C12orf42: variants seen among roughly 807,000 people sequenced by gnomAD.
C12orf42 encodes the protein uncharacterized protein C12orf42.
C12orf42 carries 25 observed loss-of-function variants against 21.6 expected under a neutral mutation model. The observed-to-expected ratio is 1.16, with a 90% CI of 0.84 to 1.62. The LOEUF (loss-of-function observed/expected upper bound fraction) is 1.62, where lower values mean the gene tolerates loss of function less well. Among genes scored for constraint, C12orf42 ranks in the 40% most tolerant of loss-of-function variants. The probability of loss-of-function intolerance (pLI) is 0.00; values close to 1 mark genes in which losing one functional copy is unlikely to be tolerated. For synonymous variants in C12orf42, 174 were observed against 175.0 expected (o/e 0.99, Z 0.05); for missense variants, 483 against 459.3 (o/e 1.05, Z -0.47).
chr12:103,478,098 C>T (rs941780422), intron 2 of C12orf42: 6 of 377,504 alleles, frequency 1.6e-5, no homozygotes, highest in African/African-American at 1.3e-4. Context: ...ATAGCAAAGA[C>T]AACACATTTC....
chr12:103,069,503 G>A, the C12orf42 span, among the ~76,000 whole-genome samples: 1 of 152,092 alleles, frequency 6.6e-6, no homozygotes, highest in African/African-American at 2.4e-5. Flanking sequence ...ACAAACTCTA[G>A]TTATAAGAAA....
the C12orf42 span, among the ~76,000 whole-genome samples, chr12:103,206,535 C>G: frequency 6.6e-6 from 1 of 151,828 alleles, no homozygotes; most frequent in African/African-American, 2.4e-5. Flanking sequence ...CACACACACA[C>G]ACACACACAC....
intron 2 of C12orf42, among the ~76,000 whole-genome samples, chr12:103,447,032 C>T (rs779531055): frequency 6.6e-6 from 1 of 151,978 alleles, no homozygotes; most frequent in Non-Finnish European, 1.5e-5. Flanking sequence ...ATTTGCAGAA[C>T]ATTCTATGCA....
chr12:103,352,637 G>T (rs1244459868), intron 4 of C12orf42, among the ~76,000 whole-genome samples: 1 of 152,154 alleles, frequency 6.6e-6, no homozygotes, highest in African/African-American at 2.4e-5. Context: ...GTGGGAAGAT[G>T]AATCTAATTG....
At chr12:103,277,278 TAA>T in intron 4 of C12orf42, 2 of 370,958 alleles carry the variant, frequency 5.4e-6, no homozygotes, top group Non-Finnish European at 1.0e-5. Context: ...AAAATTATAA[TAA>T]ACTTATTAAT....
chr12:103,421,758 G>A (rs1203765101), intron 2 of C12orf42, among the ~76,000 whole-genome samples: 1 of 152,058 alleles, frequency 6.6e-6, no homozygotes, highest in Non-Finnish European at 1.5e-5. Flanking sequence ...ATTCCCTCTA[G>A]GAACTGAGGA....
At chr12:103,179,525 G>C in the C12orf42 span, among the ~76,000 whole-genome samples, 2 of 152,118 alleles carry the variant, frequency 1.3e-5, no homozygotes, top group African/African-American at 2.4e-5. Context: ...AGTAGACCTG[G>C]AGCATAAAAT....
At chr12:103,083,520 GA>G in the C12orf42 span, among the ~76,000 whole-genome samples, 3 of 152,146 alleles carry the variant, frequency 2.0e-5, no homozygotes, top group Admixed American at 6.5e-5. Context: ...CTCTGTACTA[GA>G]AGTATAGTGA....
At chr12:103,243,470 T>A (rs1385362721) in intron 10 of C12orf42, among the ~76,000 whole-genome samples, 1 of 152,098 alleles carries the variant, frequency 6.6e-6, no homozygotes, top group African/African-American at 2.4e-5. Context: ...ATTGTAATTA[T>A]TAAAATAATT....
chr12:103,338,526 G>A (rs1000314576), intron 4 of C12orf42, among the ~76,000 whole-genome samples: 4 of 152,178 alleles, frequency 2.6e-5, no homozygotes, highest in Non-Finnish European at 4.4e-5. Context: ...GTGTTTTCCC[G>A]GCCACTTGCA....
intron 4 of C12orf42, among the ~76,000 whole-genome samples, chr12:103,295,140 G>T (rs1221734061): frequency 2.0e-5 from 3 of 152,136 alleles, no homozygotes; most frequent in African/African-American, 4.8e-5. Context: ...ATAGTAAAGG[G>T]TTGGAGCATT....
At chr12:103,065,210 C>T in the C12orf42 span, among the ~76,000 whole-genome samples, 275 of 152,288 alleles carry the variant, frequency 1.8e-3, 1 homozygote, top group African/African-American at 6.2e-3. Context: ...TCCTATTTGG[C>T]CTCTGCAGAA....
intron 1 of C12orf42, among the ~76,000 whole-genome samples, chr12:103,493,258 T>G (rs1489580026): frequency 1.3e-5 from 2 of 152,220 alleles, no homozygotes; most frequent in Non-Finnish European, 2.9e-5. Context: ...ACGATCTGAT[T>G]CTGGCTAATC....
At position 103,352,288 on chromosome 12, in the gene C12orf42, G is replaced by A. The variant is rs1032816236; in HGVS notation, c.259+16599C>T. Among the ~76,000 whole-genome samples, 4 of 152,098 alleles carry A rather than the reference G, an allele frequency of 2.6e-5. No individual in the cohort carries two copies. The East Asian group carries it at 5.8e-4, about 22-fold the overall frequency. On this transcript the variant is annotated intron_variant, in intron 4 of 5. Coordinates refer to ENST00000548883, the MANE Select transcript of C12orf42 (RefSeq NM_198521.5). ...AGGCTAAGAGAAAAAGAGAATTCTC[G>A]CTATGGAGGGAAGGAAAGAGGGATG...
chr12:103,440,344 C>G (rs1425148691), intron 2 of C12orf42, among the ~76,000 whole-genome samples: 2 of 140,998 alleles, frequency 1.4e-5, no homozygotes, highest in African/African-American at 2.6e-5. Flanking sequence ...ACCAGCATGG[C>G]ACATGTATAC....
chr12:103,489,137 G>A (rs1324855601), intron 1 of C12orf42, among the ~76,000 whole-genome samples: 1 of 152,210 alleles, frequency 6.6e-6, no homozygotes, highest in Non-Finnish European at 1.5e-5. Context: ...TTTTGGTGTA[G>A]ATGTCCTTTT....
the C12orf42 span, among the ~76,000 whole-genome samples, chr12:103,502,182 G>A: frequency 2.0e-5 from 3 of 151,962 alleles, 1 homozygote; most frequent in Non-Finnish European, 4.4e-5. Context: ...CTTTGCACTT[G>A]CCCAGTCTTC....
chr12:103,219,940 T>G, the C12orf42 span, among the ~76,000 whole-genome samples: 1 of 152,190 alleles, frequency 6.6e-6, no homozygotes, highest in African/African-American at 2.4e-5. Flanking sequence ...TAAATCATCC[T>G]ACTATAAAGA....
the C12orf42 span, among the ~76,000 whole-genome samples, chr12:103,556,081 A>C: frequency 6.6e-6 from 1 of 152,186 alleles, no homozygotes; most frequent in Non-Finnish European, 1.5e-5. Flanking sequence ...ACTCTGACAG[A>C]GTGTCCTGTA....
Sources: gnomAD v4.1 joint callset for allele counts (sites outside exome capture counted in the v4.1 genomes callset) on GRCh38, gnomAD v4.1.1 for gene constraint, MANE v1.5 for transcripts, NCBI Gene and HGNC (gene_info 2026-07-23, HGNC 2026-07-21) for gene names.